The following LCK variants were observed in gnomAD, a reference collection of about 807,000 sequenced individuals.
LCK encodes LCK proto-oncogene, Src family tyrosine kinase, also known as tyrosine-protein kinase Lck.
Under a neutral mutation model 64.6 loss-of-function variants are expected in LCK, and 14 were observed. The ratio of observed to expected loss-of-function variants is 0.22; its 90% CI spans 0.14 to 0.34. LCK has a LOEUF of 0.34. LCK is among the 10% of genes least tolerant of loss of function. LCK has a pLI of 1.00. For missense variants in LCK, 434 were observed against 668.1 expected, an observed-to-expected ratio of 0.65 and a Z score of 3.86; for synonymous variants, 277 against 263.6, an observed-to-expected ratio of 1.05 and a Z score of -0.49.
intron 1 of LCK, among the ~76,000 whole-genome samples, chr1:32,256,996 T>G (rs1208324090): frequency 6.6e-6 from 1 of 152,160 alleles, no homozygotes; most frequent in Admixed American, 6.6e-5. Flanking sequence ...CCAAAAATCA[T>G]GAAGGAAAAT....
At chr1:32,270,133 CAG>C (rs1640035960) in intron 1 of LCK, among the ~76,000 whole-genome samples, 3 of 151,966 alleles carry the variant, frequency 2.0e-5, no homozygotes, top group Admixed American at 1.3e-4. Context: ...TCTTTTTAGA[CAG>C]AGTCTCTGTC....
chr1:32,275,139 C>A lies in LCK; in HGVS notation c.278+56C>A. On this transcript the variant is annotated intron_variant, in intron 4 of 12. Coordinates refer to ENST00000336890, the MANE Select transcript of LCK (RefSeq NM_005356.5). The surrounding 1 kb of genome is among the most constrained non-coding windows in gnomAD (Gnocchi z 6.9). ...GTCCGTGAGGGAGCGGCGATCTCCG[C>A]GACCCGCAGCCCTCCTGCGGCCCTT... 6.5e-7 allele frequency: 1 copy of A among 1,530,634 alleles called. No individual in the cohort carries two copies. The highest frequency in any genetic ancestry group is 1.2e-5 in the South Asian group (1 of 85,146). The allele number at this position is 1,530,634 out of a possible 1,614,324, so 94.8% of individuals were successfully genotyped here.
chr1:32,259,297 A>AAAAAAAAAAG (rs1553151863), intron 1 of LCK, among the ~76,000 whole-genome samples: 11 of 150,366 alleles, frequency 7.3e-5, no homozygotes, highest in South Asian at 6.4e-4. Flanking sequence ...GGTAAAAAAA[A>AAAAAAAAAAG]AAAAAGAAAA....
rs1279693368 is a variant in LCK at position 32,275,463 on chromosome 1, G to C, written c.377+44G>C. On this transcript the variant is annotated intron_variant, in intron 5 of 12. Coordinates refer to ENST00000336890, the MANE Select transcript of LCK (RefSeq NM_005356.5). The surrounding 1 kb of genome is among the most constrained non-coding windows in gnomAD (Gnocchi z 6.9). ...TGGGGGTGGGTAGGAGCAGATCTAG[G>C]GATCCTGGAGCAGGGAGTAGGCCTG... 1 of 1,600,178 alleles carries C rather than the reference G, an allele frequency of 6.2e-7. No individual in the cohort carries two copies. Among genetic ancestry groups the C allele is most frequent in the Non-Finnish European group, 8.5e-7 (1 of 1,169,590 alleles).
chr1:32,267,368 A>C (rs773344682), intron 1 of LCK, among the ~76,000 whole-genome samples: 1 of 152,208 alleles, frequency 6.6e-6, no homozygotes, highest in African/African-American at 2.4e-5. Flanking sequence ...TGTTTGTTTA[A>C]CTTACATGAA....
chr1:32,272,623 A>AAGAGAGAGAGAGAGAGAAAGAG (rs1557581382), intron 1 of LCK, among the ~76,000 whole-genome samples: 45 of 123,068 alleles, frequency 3.7e-4, no homozygotes, highest in African/African-American at 1.3e-3. Context: ...GAGAGAGAGA[A>AAGAGAGAGAGAGAGAGAAAGAG]AGAGAGAGAG....
chr1:32,261,683 G>A (rs1448957608), intron 1 of LCK, among the ~76,000 whole-genome samples: 1 of 147,610 alleles, frequency 6.8e-6, no homozygotes, highest in African/African-American at 2.5e-5. Context: ...GGCCAGGTGT[G>A]GTGGCTTACA....
intron 1 of LCK, among the ~76,000 whole-genome samples, chr1:32,252,747 T>C (rs1196593052): frequency 6.6e-6 from 1 of 152,162 alleles, no homozygotes; most frequent in Non-Finnish European, 1.5e-5. Context: ...GGCTGAGCAT[T>C]GGTTCAGAGG....
chr1:32,285,564 G>C lies in LCK; in HGVS notation c.1378G>C (p.Val460Leu), dbSNP rs2124383984. 6.2e-7 allele frequency: 1 copy of C among 1,614,234 alleles called. No homozygotes were observed. The highest frequency in any genetic ancestry group is 1.3e-5 in the African/African-American group (1 of 75,062). The change falls in exon 13 of 13, where the codon GTG becomes CTG. Residue 460 changes from valine to leucine, a missense_variant. Val to Leu is a conservative substitution (Grantham distance 32). Around this residue, in one of 2 missense-constraint regions of LCK, gnomAD observed 201 missense variants for 376.9 expected, o/e 0.53. Coordinates refer to ENST00000336890, the MANE Select transcript of LCK (RefSeq NM_005356.5). ...GAACCTGGAGCGAGGCTACCGCATGGTGCGCCCTGACAACTGTCCAGAGGA... is the reference window on the plus strand; with the variant it reads ...GAACCTGGAGCGAGGCTACCGCATGCTGCGCCCTGACAACTGTCCAGAGGA... ...IQNLERGYRM[V>L]RPDNCPEELY...
Position 32,276,982 on chromosome 1 carries a change from C to A in LCK, c.964+196C>A, listed in dbSNP as rs1437915779. On this transcript the variant is annotated intron_variant, in intron 9 of 12. Transcript: ENST00000336890. The surrounding 1 kb of genome is among the most constrained non-coding windows in gnomAD (Gnocchi z 4.6). ...AATCCCAGCACTTTGGGAGCCGAGG[C>A]GGGCAGATCACGAGGTCAGGAGTTC... 2 of 455,808 alleles carry A rather than the reference C, an allele frequency of 4.4e-6. No homozygotes were observed. The highest frequency in any genetic ancestry group is 3.5e-5 in the South Asian group (1 of 28,500). The allele number at this position is 455,808 out of a possible 1,614,324, so 28.2% of individuals were successfully genotyped here. A position where few individuals can be genotyped will look rare whatever the true frequency, so the allele number is the denominator to read the frequency against.
At chr1:32,283,982 G>A (rs1640536894) in intron 12 of LCK, among the ~76,000 whole-genome samples, 1 of 151,672 alleles carries the variant, frequency 6.6e-6, no homozygotes, top group African/African-American at 2.4e-5. Flanking sequence ...CTGGGTTTAA[G>A]CGATTCTCCT....
intron 12 of LCK, among the ~76,000 whole-genome samples, chr1:32,284,033 A>G (rs1640539459): frequency 6.6e-6 from 1 of 151,834 alleles, no homozygotes; most frequent in African/African-American, 2.4e-5. Context: ...GGTGTGTGCC[A>G]CCACGCCCAG....
At chr1:32,285,194 G>C (rs1386103658) in intron 12 of LCK, among the ~76,000 whole-genome samples, 1 of 151,768 alleles carries the variant, frequency 6.6e-6, no homozygotes, top group Non-Finnish European at 1.5e-5. Context: ...CCAGCTACTC[G>C]AGAAGCTGAG....
Position 32,275,123 on chromosome 1 carries a change from G to A in LCK, c.278+40G>A, listed in dbSNP as rs752083850. 16 of 1,569,074 alleles carry A rather than the reference G, an allele frequency of 1.0e-5. No homozygotes were observed. The South Asian group carries it at 1.4e-4, about 13-fold the overall frequency. On this transcript the variant is annotated intron_variant, in intron 4 of 12. Coordinates refer to ENST00000336890, the MANE Select transcript of LCK (RefSeq NM_005356.5). This position sits in a 1 kb window ranked among gnomAD's most constrained non-coding sequence, Gnocchi z 6.9. ...ACCTTGCTCTGGCGGAGTCCGTGAG[G>A]GAGCGGCGATCTCCGCGACCCGCAG...
intron 1 of LCK, among the ~76,000 whole-genome samples, chr1:32,273,417 T>A (rs774511792): frequency 6.6e-6 from 1 of 151,188 alleles, no homozygotes; most frequent in Non-Finnish European, 1.5e-5. Context: ...TGTGTGTGTG[T>A]GAGAGAGTGT....
chr1:32,283,665 T>A (rs1288709159), intron 12 of LCK, among the ~76,000 whole-genome samples: 1 of 152,054 alleles, frequency 6.6e-6, no homozygotes, highest in African/African-American at 2.4e-5. Flanking sequence ...TTCATCTGGG[T>A]CATGGAGGGG....
chr1:32,270,628 C>T (rs1438985161), intron 1 of LCK, among the ~76,000 whole-genome samples: 4 of 134,724 alleles, frequency 3.0e-5, no homozygotes, highest in Non-Finnish European at 4.7e-5. Flanking sequence ...CACCTGACCT[C>T]GTGATCCACC....
chr1:32,273,448 C>A (rs1388323488), intron 1 of LCK, among the ~76,000 whole-genome samples: 1 of 151,136 alleles, frequency 6.6e-6, no homozygotes. Context: ...GAATAGACTG[C>A]GGAGGTGGAT....
At chr1:32,282,462 A>G (rs148981711) in intron 12 of LCK, among the ~76,000 whole-genome samples, 3,300 of 152,320 alleles carry the variant, frequency 0.022, 57 homozygotes, top group Non-Finnish European at 0.03. Context: ...TTGGAGTTTT[A>G]GGAAAATCTG....
Sources: gnomAD v4.1 joint callset for allele counts (sites outside exome capture counted in the v4.1 genomes callset) on GRCh38, gnomAD v4.1.1 for gene constraint, gnomAD v4.1.1 regional missense constraint, Gnocchi (gnomAD v3.1) non-coding constraint, MANE v1.5 for transcripts, NCBI Gene and HGNC (gene_info 2026-07-23, HGNC 2026-07-21) for gene names.